The following BLTP3B variants were observed in gnomAD, a reference collection of about 807,000 sequenced individuals.
BLTP3B encodes the protein UHRF1 (ICBP90) binding protein 1-like.
the BLTP3B span, among the ~76,000 whole-genome samples, chr12:100,065,425 C>T: frequency 1.3e-4 from 20 of 152,082 alleles, no homozygotes; most frequent in Admixed American, 3.9e-4. Context: ...AGCCTATAAA[C>T]GGACGTGCAA....
the BLTP3B span, among the ~76,000 whole-genome samples, chr12:100,140,263 T>C: frequency 1.3e-5 from 2 of 152,108 alleles, no homozygotes; most frequent in Admixed American, 1.3e-4. Context: ...AAATAAAAAT[T>C]TGATACTCTT....
the BLTP3B span, among the ~76,000 whole-genome samples, chr12:100,089,421 G>A: frequency 3.3e-5 from 5 of 151,998 alleles, no homozygotes; most frequent in South Asian, 2.1e-4. Context: ...TTAGCTGGGC[G>A]TGGTGCCGCA....
At chr12:100,139,244 T>G in the BLTP3B span, among the ~76,000 whole-genome samples, 1 of 152,230 alleles carries the variant, frequency 6.6e-6, no homozygotes, top group Admixed American at 6.5e-5. Flanking sequence ...AGTTCTCAAA[T>G]AGTTTAGCAT....
the BLTP3B span, among the ~76,000 whole-genome samples, chr12:100,077,377 C>T: frequency 6.6e-6 from 1 of 152,194 alleles, no homozygotes; most frequent in East Asian, 1.9e-4. Flanking sequence ...TGATGTTAAG[C>T]AACACATGAC....
the BLTP3B span, among the ~76,000 whole-genome samples, chr12:100,088,023 C>T: frequency 1.3e-5 from 2 of 152,146 alleles, no homozygotes; most frequent in African/African-American, 4.8e-5. Flanking sequence ...CCCCTCCAAC[C>T]TTTTAGGCTG....
At chr12:100,044,665 C>T in the BLTP3B span, among the ~76,000 whole-genome samples, 1 of 152,090 alleles carries the variant, frequency 6.6e-6, no homozygotes, top group Non-Finnish European at 1.5e-5. Context: ...GAAGAACTCA[C>T]ATCAGATTAT....
At chr12:100,057,925 A>G in the BLTP3B span, 66 of 1,366,424 alleles carry the variant, frequency 4.8e-5, 1 homozygote, top group South Asian at 8.0e-4. Context: ...TAACAATGCC[A>G]TATTTTGTCA....
the BLTP3B span, chr12:100,069,955 C>T: frequency 8.4e-7 from 1 of 1,185,560 alleles, no homozygotes; most frequent in Non-Finnish European, 1.0e-6. Flanking sequence ...ATTATGGGGG[C>T]ATGGCTGGAA....
the BLTP3B span, among the ~76,000 whole-genome samples, chr12:100,067,299 A>ACCAAAC: frequency 6.6e-6 from 1 of 152,094 alleles, no homozygotes; most frequent in Non-Finnish European, 1.5e-5. Context: ...ACAAGAACAA[A>ACCAAAC]CCAAACCCAA....
the BLTP3B span, among the ~76,000 whole-genome samples, chr12:100,139,964 C>T: frequency 6.6e-6 from 1 of 152,172 alleles, no homozygotes; most frequent in Non-Finnish European, 1.5e-5. Context: ...ATACACAGGC[C>T]TCACATGATG....
chr12:100,072,202 C>T, the BLTP3B span, among the ~76,000 whole-genome samples: 1 of 151,760 alleles, frequency 6.6e-6, no homozygotes, highest in Non-Finnish European at 1.5e-5. Flanking sequence ...GCCAAGGCTG[C>T]AGTGAGCCGA....
At chr12:100,132,706 G>C in the BLTP3B span, among the ~76,000 whole-genome samples, 3 of 151,098 alleles carry the variant, frequency 2.0e-5, no homozygotes, top group Non-Finnish European at 4.4e-5. Flanking sequence ...CAGCACTTTG[G>C]GAGGCCAAGG....
At chr12:100,086,535 C>T in the BLTP3B span, among the ~76,000 whole-genome samples, 1 of 152,058 alleles carries the variant, frequency 6.6e-6, no homozygotes, top group East Asian at 1.9e-4. Context: ...TTACTGAGCC[C>T]CCCTCATTTG....
the BLTP3B span, chr12:100,089,006 G>C: frequency 6.2e-7 from 1 of 1,611,816 alleles, no homozygotes; most frequent in Middle Eastern, 1.7e-4. Context: ...CAAAATCATT[G>C]AATAGTTTCA....
the BLTP3B span, chr12:100,039,478 AC>A: frequency 9.2e-7 from 1 of 1,088,380 alleles, no homozygotes; most frequent in Non-Finnish European, 1.3e-6. Context: ...GCACCTGGGC[AC>A]AATAACAAGC....
the BLTP3B span, among the ~76,000 whole-genome samples, chr12:100,125,793 A>G: frequency 6.6e-6 from 1 of 152,230 alleles, no homozygotes; most frequent in African/African-American, 2.4e-5. Flanking sequence ...CAAATAAGAA[A>G]TAGTTACTGT....
the BLTP3B span, among the ~76,000 whole-genome samples, chr12:100,052,790 GTTTTTTTTT>G: frequency 8.7e-6 from 1 of 114,340 alleles, no homozygotes; most frequent in Non-Finnish European, 1.8e-5. Context: ...TTTCTTTTCT[GTTTTTTTTT>G]TTTTTTTTTT....
the BLTP3B span, among the ~76,000 whole-genome samples, chr12:100,138,743 G>C: frequency 1.3e-5 from 2 of 152,214 alleles, no homozygotes; most frequent in African/African-American, 4.8e-5. Flanking sequence ...CGAAGGAGAA[G>C]AGAGTGTCTG....
At chr12:100,117,487 C>G in the BLTP3B span, among the ~76,000 whole-genome samples, 1 of 152,046 alleles carries the variant, frequency 6.6e-6, no homozygotes, top group African/African-American at 2.4e-5. Context: ...TATTTTGAGG[C>G]AGTCTCGTTC....
Sources: allele counts gnomAD v4.1 joint callset (sites outside exome capture counted in the v4.1 genomes callset), GRCh38; gene constraint gnomAD v4.1.1; transcripts MANE v1.5; gene names NCBI Gene and HGNC (gene_info 2026-07-23, HGNC 2026-07-21).